DCTN4: variants seen among roughly 807,000 people sequenced by gnomAD.
The protein encoded by DCTN4 is dynactin 4 (p62).
DCTN4 carries 23 observed loss-of-function variants against 62.7 expected under a neutral mutation model. That is an observed-to-expected ratio of 0.37 (90% CI 0.26 to 0.52). The LOEUF is 0.52. DCTN4 is among the 20% of genes least tolerant of loss of function. The pLI, the probability that DCTN4 is intolerant of heterozygous loss-of-function variation, is 0.92. For synonymous variants in DCTN4, 199 were observed against 202.1 expected (o/e 0.98, Z 0.13); for missense variants, 514 against 580.4 (o/e 0.89, Z 1.18).
rs547802627 is a variant in DCTN4 at position 150,746,153 on chromosome 5, A to G, written c.386-3996T>C. Among the ~76,000 whole-genome samples the G allele has an allele frequency of 9.9e-5, 15 of 152,090 alleles. No individual in the cohort carries two copies. The East Asian group carries it at 2.9e-3, about 29-fold the overall frequency. On this transcript the variant is annotated intron_variant, in intron 3 of 12. Transcript: ENST00000447998. ...GAAATACAAACTACCATCAGAGAAT[A>G]CTACAAACACCTCTATGCAAATAAA...
At chr5:150,732,658 C>G (rs1760430006) in intron 5 of DCTN4, among the ~76,000 whole-genome samples, 1 of 152,162 alleles carries the variant, frequency 6.6e-6, no homozygotes, top group Admixed American at 6.5e-5. Context: ...CTTGACACAT[C>G]ATTGCCATTC....
At chr5:150,711,775 C>T (rs932467074) in intron 12 of DCTN4, among the ~76,000 whole-genome samples, 13 of 152,246 alleles carry the variant, frequency 8.5e-5, no homozygotes, top group African/African-American at 2.9e-4. Context: ...TTGCCTTGGC[C>T]TCCAAAAGTG....
intron 3 of DCTN4, among the ~76,000 whole-genome samples, chr5:150,746,953 A>G (rs1375732736): frequency 3.3e-5 from 5 of 152,316 alleles, no homozygotes; most frequent in African/African-American, 1.2e-4. Context: ...ATCAGGCAGG[A>G]GAAGGAAATA....
At chr5:150,729,334 G>A (rs1471764961) in intron 8 of DCTN4, among the ~76,000 whole-genome samples, 1 of 151,766 alleles carries the variant, frequency 6.6e-6, no homozygotes, top group Middle Eastern at 3.2e-3. Context: ...CAACTTCAAC[G>A]ATTATCAACT....
chr5:150,730,683 T>C lies in DCTN4; in HGVS notation c.782A>G (p.Gln261Arg), dbSNP rs765807162. The C allele has an allele frequency of 5.6e-6, 9 of 1,613,982 alleles. No individual in the cohort carries two copies. The East Asian group carries it at 1.1e-4, about 20-fold the overall frequency. Reference protein sequence around the residue: ...QPDFQPVCASQLYPRHKHLLI... With the variant: ...QPDFQPVCASRLYPRHKHLLI... Reference sequence around the variant, plus strand: ...AAGATGTTTGTGGCGAGGATAGAGCTGTGAAGCACAGACTGGCTGGAAGTC... The same window carrying C: ...AAGATGTTTGTGGCGAGGATAGAGCCGTGAAGCACAGACTGGCTGGAAGTC... Residue 261 changes from glutamine to arginine, a missense_variant, in exon 8 of 13, where the codon CAG becomes CGG. Physicochemically the swap from Gln to Arg is conservative, Grantham distance 43. Coordinates refer to ENST00000447998, the MANE Select transcript of DCTN4 (RefSeq NM_016221.4).
In DCTN4 at chr5:150,724,707, C is replaced by T. The variant is rs75323898; in HGVS notation, c.835-1727G>A. 6.5e-3 allele frequency among the ~76,000 whole-genome samples: 991 copies of T among 152,212 alleles called. 6 individuals are homozygous for T. Among genetic ancestry groups the T allele is most frequent in the Non-Finnish European group, 1.0e-2 (677 of 68,018 alleles). Reference sequence around the variant, plus strand: ...ATTCTTTCCCCAATGATCTACAATGCCATATTTAGTATATAACAAATTTTC... The same window carrying T: ...ATTCTTTCCCCAATGATCTACAATGTCATATTTAGTATATAACAAATTTTC... On this transcript the variant is annotated intron_variant, in intron 8 of 12. Coordinates refer to ENST00000447998, the MANE Select transcript of DCTN4 (RefSeq NM_016221.4).
At chr5:150,745,732 T>C (rs1159823744) in intron 3 of DCTN4, among the ~76,000 whole-genome samples, 2 of 152,094 alleles carry the variant, frequency 1.3e-5, no homozygotes, top group Non-Finnish European at 2.9e-5. Flanking sequence ...AAAGATGTTC[T>C]TTGAAACCAA....
In DCTN4 at chr5:150,715,550, A is replaced by C; in HGVS notation, c.1169+15T>G. On this transcript the variant is annotated intron_variant, in intron 12 of 12. Transcript: ENST00000447998. Reference sequence around the variant, plus strand: ...CAGCCATTTGTTGTATGGGGATCACAAAAAGATCACTCACTCAGGATCGTC... The same window carrying C: ...CAGCCATTTGTTGTATGGGGATCACCAAAAGATCACTCACTCAGGATCGTC... 6.2e-7 allele frequency: 1 copy of C among 1,610,050 alleles called. No individual in the cohort carries two copies. The highest frequency in any genetic ancestry group is 8.5e-7 in the Non-Finnish European group (1 of 1,176,432).
rs929979842 is a variant in DCTN4 at position 150,710,008 on chromosome 5, A to C, written c.*1141T>G. 1 of 152,378 alleles carries C rather than the reference A, an allele frequency of 6.6e-6. No individual in the cohort carries two copies. Among genetic ancestry groups the C allele is most frequent in the African/African-American group, 2.4e-5 (1 of 41,464 alleles). The allele number at this position is 152,378 out of a possible 1,614,324, so 9.4% of individuals were successfully genotyped here. ...ACAGCAAGTCTGCTGTTAGGCCAGA[A>C]CTGTGGGCTACTTGCTGAACTATTT... On this transcript the variant is annotated 3_prime_UTR_variant, in exon 13 of 13. Coordinates refer to ENST00000447998, the MANE Select transcript of DCTN4 (RefSeq NM_016221.4).
rs759742258 is a variant in DCTN4, at chr5:150,756,473, A to G, written c.150T>C (p.Tyr50=). The G allele has an allele frequency of 6.9e-6, 11 of 1,602,034 alleles. No homozygotes were observed. The Admixed American group carries it at 1.2e-4, about 18-fold the overall frequency. ...GCATATTTTCTAAACAACTGGGACA[A>G]TAATGGGAGTCCACCTAGGAGGAAA... The part of the protein sequence containing the change: ...ECVSHEVDSH[Y]CPSCLENMPS... The change falls in exon 2 of 13, where the codon TAT becomes TAC. Residue 50 remains tyrosine, a synonymous_variant. Coordinates refer to ENST00000447998, the MANE Select transcript of DCTN4 (RefSeq NM_016221.4).
At chr5:150,715,522 T>C in intron 12 of DCTN4, 43 bp downstream of exon 12, 1 of 1,492,718 alleles carries the variant, frequency 6.7e-7, no homozygotes, top group Non-Finnish European at 9.3e-7. Flanking sequence ...GGCATTCTAT[T>C]ATCAGCCATT....
intron 3 of DCTN4, among the ~76,000 whole-genome samples, chr5:150,744,612 C>A (rs1198800864): frequency 6.6e-6 from 1 of 151,868 alleles, no homozygotes; most frequent in African/African-American, 2.4e-5. Context: ...CTCTACAAGC[C>A]AGAAGAGAGT....
Position 150,731,261 on chromosome 5 carries a change from G to A in DCTN4, c.612-105C>T. The stretch of plus-strand genomic sequence containing the variant: ...ATATCAATAATTGAAGTATTCCTCT[G>A]TCATAGAATATCTGTATAGCGTAGG... On this transcript the variant is annotated intron_variant, in intron 6 of 12. Transcript: ENST00000447998. The A allele has an allele frequency of 4.1e-6, 4 of 987,144 alleles. No individual in the cohort carries two copies. The South Asian group carries it at 5.6e-5, about 14-fold the overall frequency. 61.1% of individuals were successfully genotyped at this position (987,144 alleles called of 1,614,324 possible).
intron 3 of DCTN4, among the ~76,000 whole-genome samples, chr5:150,752,594 A>G (rs1432825022): frequency 6.6e-6 from 1 of 152,220 alleles, no homozygotes; most frequent in Non-Finnish European, 1.5e-5. Flanking sequence ...GTTCTAGCCA[A>G]CACTTGATAC....
rs1406173491 is a variant in DCTN4 at position 150,711,364 on chromosome 5, T to A, written c.1170-2A>T. On this transcript the variant is annotated splice_acceptor_variant, in intron 12 of 12. Coordinates refer to ENST00000447998, the MANE Select transcript of DCTN4 (RefSeq NM_016221.4). LOFTEE classifies it high-confidence loss of function. ...TTGGCCTTTCTGAAGGCTATAATGC[T>A]ATGGAAAGAAAAAAAAGCAAGTATT... 1 of 1,610,788 alleles carries A rather than the reference T, an allele frequency of 6.2e-7. No homozygotes were observed. Among genetic ancestry groups the A allele is most frequent in the Admixed American group, 1.7e-5 (1 of 59,570 alleles).
At chr5:150,723,607 T>TA (rs1309834032) in intron 8 of DCTN4, among the ~76,000 whole-genome samples, 1 of 152,228 alleles carries the variant, frequency 6.6e-6, no homozygotes, top group African/African-American at 2.4e-5. Flanking sequence ...GTGCTGGGAT[T>TA]ACAGGCATGA....
chr5:150,723,254 G>A (rs576244470), intron 8 of DCTN4, among the ~76,000 whole-genome samples: 2 of 152,218 alleles, frequency 1.3e-5, no homozygotes, highest in Admixed American at 6.5e-5. Flanking sequence ...TACTGTATTT[G>A]CTAAACAACG....
At position 150,725,071 on chromosome 5, in the gene DCTN4, T is replaced by C. The variant is rs193074113; in HGVS notation, c.835-2091A>G. Among the ~76,000 whole-genome samples, 829 of 142,992 alleles carry C rather than the reference T, an allele frequency of 5.8e-3. 7 individuals carry two copies. The highest frequency in any genetic ancestry group is 0.021 in the African/African-American group (805 of 37,688). 93.8% of individuals were successfully genotyped at this position (142,992 alleles called of 152,430 possible). A position where few individuals can be genotyped will look rare whatever the true frequency, so the allele number is the denominator to read the frequency against. On this transcript the variant is annotated intron_variant, in intron 8 of 12. Coordinates refer to ENST00000447998, the MANE Select transcript of DCTN4 (RefSeq NM_016221.4). ...TACACGGGAGGCTGAGGCAGGAGAA[T>C]GGCGTGAACCTGGGAGGTGGAGCTT...
chr5:150,746,553 A>C (rs1046165283), intron 3 of DCTN4, among the ~76,000 whole-genome samples: 2 of 152,206 alleles, frequency 1.3e-5, no homozygotes, highest in Admixed American at 6.5e-5. Context: ...AATACTGGCA[A>C]ACCGAATGCA....
Sources: allele counts gnomAD v4.1 joint callset (sites outside exome capture counted in the v4.1 genomes callset), GRCh38; gene constraint gnomAD v4.1.1; transcripts MANE v1.5; gene names NCBI Gene and HGNC (gene_info 2026-07-23, HGNC 2026-07-21).